The following CEP112 variants were observed in gnomAD, a reference collection of about 807,000 sequenced individuals.
CEP112 encodes the protein centrosomal protein of 112 kDa.
A neutral mutation model predicts 153.0 loss-of-function variants in CEP112; 127 were observed. The observed-to-expected ratio is 0.83, with a 90% confidence interval of 0.72 to 0.96. The LOEUF is 0.96. CEP112 is among the 40% of genes least tolerant of loss of function. CEP112 has a pLI of 0.00. For synonymous variants in CEP112, 358 were observed against 374.4 expected, an observed-to-expected ratio of 0.96 and a Z score of 0.51; for missense variants, 1,089 against 1,101.2, an observed-to-expected ratio of 0.99 and a Z score of 0.16.
chr17:65,803,155 C>T (rs1373265536), intron 21 of CEP112, among the ~76,000 whole-genome samples: 1 of 152,224 alleles, frequency 6.6e-6, no homozygotes, highest in Non-Finnish European at 1.5e-5. Context: ...TATGTATCTT[C>T]TCTCTCCAAG....
chr17:65,680,345 A>G (rs1177401600), intron 24 of CEP112, among the ~76,000 whole-genome samples: 1 of 152,178 alleles, frequency 6.6e-6, no homozygotes, highest in Non-Finnish European at 1.5e-5. Flanking sequence ...GTCACTTAGA[A>G]TATGTTTAGG....
At chr17:66,084,728 C>T (rs986486827) in intron 8 of CEP112, among the ~76,000 whole-genome samples, 17 of 151,478 alleles carry the variant, frequency 1.1e-4, no homozygotes, top group African/African-American at 2.7e-4. Flanking sequence ...GTAGAAAGAA[C>T]GAAGAAACCT....
intron 23 of CEP112, among the ~76,000 whole-genome samples, chr17:65,737,740 C>T (rs2050884533): frequency 6.6e-6 from 1 of 152,206 alleles, no homozygotes; most frequent in African/African-American, 2.4e-5. Flanking sequence ...ACAAGGAGAA[C>T]CACTATGCTT....
intron 23 of CEP112, among the ~76,000 whole-genome samples, chr17:65,723,691 T>C (rs573444959): frequency 1.4e-4 from 22 of 152,388 alleles, no homozygotes; most frequent in Non-Finnish European, 2.6e-4. Context: ...CTATTTGTTT[T>C]GGCTCCAACT....
intron 18 of CEP112, among the ~76,000 whole-genome samples, chr17:65,952,776 T>C (rs1189002792): frequency 6.6e-6 from 1 of 152,192 alleles, no homozygotes; most frequent in Non-Finnish European, 1.5e-5. Context: ...GCACTTGGTA[T>C]TGTCAGCCAG....
At chr17:65,938,429 A>G (rs919468301) in intron 18 of CEP112, among the ~76,000 whole-genome samples, 594 of 146,448 alleles carry the variant, frequency 4.1e-3, no homozygotes, top group Non-Finnish European at 5.8e-3. Context: ...AAAAAAAAAA[A>G]AAAGAAAGAA....
intron 19 of CEP112, among the ~76,000 whole-genome samples, chr17:65,914,606 A>T (rs543267207): frequency 6.6e-6 from 1 of 152,266 alleles, no homozygotes; most frequent in East Asian, 1.9e-4. Context: ...CAGCTACCTA[A>T]GGCGAGTCCC....
intron 17 of CEP112, among the ~76,000 whole-genome samples, chr17:65,974,422 T>C (rs1030747090): frequency 6.6e-6 from 1 of 152,216 alleles, no homozygotes; most frequent in Non-Finnish European, 1.5e-5. Flanking sequence ...CTTAAGTCAG[T>C]GTAACCTTTA....
intron 10 of CEP112, among the ~76,000 whole-genome samples, chr17:66,065,289 TATA>T (rs1298390855): frequency 1.3e-5 from 2 of 152,194 alleles, no homozygotes; most frequent in Non-Finnish European, 2.9e-5. Context: ...CTCACCATTT[TATA>T]ATGAGTAAAC....
At chr17:66,068,387 C>T (rs1383820223) in intron 9 of CEP112, among the ~76,000 whole-genome samples, 1 of 152,110 alleles carries the variant, frequency 6.6e-6, no homozygotes, top group Non-Finnish European at 1.5e-5. Flanking sequence ...GAGCCATGAT[C>T]ATGGATCATG....
At chr17:66,169,810 T>C (rs2072168438) in intron 4 of CEP112, among the ~76,000 whole-genome samples, 1 of 152,226 alleles carries the variant, frequency 6.6e-6, no homozygotes, top group South Asian at 2.1e-4. Context: ...TATTGCTTTA[T>C]AACAAATTAT....
intron 23 of CEP112, among the ~76,000 whole-genome samples, chr17:65,719,042 C>T (rs2049714521): frequency 6.6e-6 from 1 of 152,218 alleles, no homozygotes; most frequent in South Asian, 2.1e-4. Context: ...GTTTTCTCTG[C>T]ATATGTGTTG....
chr17:65,750,757 G>A, intron 21 of CEP112, 33 bp from the exon 22 acceptor site: 1 of 1,599,080 alleles, frequency 6.3e-7, no homozygotes, highest in Non-Finnish European at 8.6e-7. Context: ...CACATACACA[G>A]TGACCTGTGA....
Position 65,690,425 on chromosome 17 carries a change from CAAAAA to C in CEP112, c.2608-1212_2608-1208del, listed in dbSNP as rs67648497. Among the ~76,000 whole-genome samples the C allele has an allele frequency of 1.1e-3, 87 of 76,680 alleles. 1 individual carries two copies. The Middle Eastern group carries it at 0.043, about 38-fold the overall frequency. 50.3% of individuals were successfully genotyped at this position (76,680 alleles called of 152,430 possible). ...TGGGTGACAGAATGAGACCCTGTCT[CAAAAA>C]AAAAAAAAAAAAAAAAAATCCTTGC... On this transcript the variant is annotated intron_variant, in intron 23 of 26. Coordinates refer to ENST00000535342, the MANE Select transcript of CEP112 (RefSeq NM_001199165.4).
In CEP112 at chr17:65,831,489, G is replaced by A. The variant is rs546968346; in HGVS notation, c.2394+20315C>T. 8.6e-5 allele frequency among the ~76,000 whole-genome samples: 13 copies of A among 151,712 alleles called. No homozygotes were observed. The South Asian group carries it at 2.3e-3, about 27-fold the overall frequency. On this transcript the variant is annotated intron_variant, in intron 21 of 26. Coordinates refer to ENST00000535342, the MANE Select transcript of CEP112 (RefSeq NM_001199165.4). ...GGAGAATGGTCAGAACCCAGGAGGCGGAGCTTGCAGTGAGCCAAGATCGCG... is the reference window on the plus strand; with the variant it reads ...GGAGAATGGTCAGAACCCAGGAGGCAGAGCTTGCAGTGAGCCAAGATCGCG...
chr17:66,132,321 T>C (rs1264969080), intron 5 of CEP112, among the ~76,000 whole-genome samples: 1 of 152,092 alleles, frequency 6.6e-6, no homozygotes, highest in Admixed American at 6.5e-5. Context: ...AAAAGCAGTG[T>C]TCCCTACTTC....
intron 24 of CEP112, among the ~76,000 whole-genome samples, chr17:65,658,719 G>C (rs1273087668): frequency 1.3e-5 from 2 of 152,102 alleles, no homozygotes; most frequent in Admixed American, 1.3e-4. Context: ...CTCTGAAGGG[G>C]AAAGGGGAGA....
intron 24 of CEP112, among the ~76,000 whole-genome samples, chr17:65,672,770 C>G (rs559397917): frequency 6.6e-6 from 1 of 151,902 alleles, no homozygotes; most frequent in African/African-American, 2.4e-5. Context: ...CACAGGAAAT[C>G]GATAAATGGG....
At chr17:66,083,342 T>C (rs2067795971) in intron 8 of CEP112, among the ~76,000 whole-genome samples, 1 of 152,188 alleles carries the variant, frequency 6.6e-6, no homozygotes, top group South Asian at 2.1e-4. Flanking sequence ...CTCCCAGCCA[T>C]ACAGAACTGT....
Sources: allele counts gnomAD v4.1 joint callset (sites outside exome capture counted in the v4.1 genomes callset), GRCh38; gene constraint gnomAD v4.1.1; transcripts MANE v1.5; gene names NCBI Gene and HGNC (gene_info 2026-07-23, HGNC 2026-07-21).